The following LRRTM3 variants were observed in gnomAD, a reference collection of about 807,000 sequenced individuals.
LRRTM3 encodes leucine-rich repeat transmembrane neuronal protein 3.
LRRTM3 carries 24 observed loss-of-function variants against 44.7 expected under a neutral mutation model. That is an observed-to-expected ratio of 0.54 (90% CI 0.39 to 0.76). The LOEUF (loss-of-function observed/expected upper bound fraction) is 0.76, where lower values mean the gene tolerates loss of function less well. Among genes scored for constraint, LRRTM3 ranks in the 30% least tolerant of loss-of-function variants. The pLI, the probability that LRRTM3 is intolerant of heterozygous loss-of-function variation, is 0.00. For synonymous variants in LRRTM3, 277 were observed against 278.7 expected (o/e 0.99, Z 0.06); for missense variants, 587 against 702.2 (o/e 0.84, Z 1.85).
chr10:66,971,156 G>T (rs1849699875), intron 2 of LRRTM3, among the ~76,000 whole-genome samples: 1 of 152,136 alleles, frequency 6.6e-6, no homozygotes, highest in Non-Finnish European at 1.5e-5. Context: ...GGCTGGGTGT[G>T]GTGGCTCACG....
intron 2 of LRRTM3, among the ~76,000 whole-genome samples, chr10:67,045,676 G>A (rs1032018643): frequency 1.3e-5 from 2 of 152,152 alleles, no homozygotes; most frequent in Non-Finnish European, 2.9e-5. Flanking sequence ...GTCCTGGCGC[G>A]GGATGGGGCG....
chr10:66,939,243 TTC>T (rs1847876926), intron 2 of LRRTM3, among the ~76,000 whole-genome samples: 1 of 152,212 alleles, frequency 6.6e-6, no homozygotes, highest in Non-Finnish European at 1.5e-5. Flanking sequence ...ATCTTCCCTT[TTC>T]TGAGTCTCTC....
At chr10:67,090,010 T>C (rs1002992025) in intron 2 of LRRTM3, among the ~76,000 whole-genome samples, 1 of 152,094 alleles carries the variant, frequency 6.6e-6, no homozygotes, top group African/African-American at 2.4e-5. Flanking sequence ...ACAGATTAAT[T>C]CAAGTTTCTT....
intron 2 of LRRTM3, among the ~76,000 whole-genome samples, chr10:67,071,389 T>C (rs953300644): frequency 2.0e-5 from 3 of 151,868 alleles, no homozygotes; most frequent in Non-Finnish European, 4.4e-5. Context: ...GATATATTTG[T>C]ATTAGTTACA....
At chr10:66,975,457 A>G (rs1227636561) in intron 2 of LRRTM3, among the ~76,000 whole-genome samples, 1 of 152,178 alleles carries the variant, frequency 6.6e-6, no homozygotes, top group Non-Finnish European at 1.5e-5. Context: ...GTAAGTAAAA[A>G]TAAGTTGGAA....
At chr10:67,034,246 A>G (rs1460587182) in intron 2 of LRRTM3, among the ~76,000 whole-genome samples, 1 of 152,114 alleles carries the variant, frequency 6.6e-6, no homozygotes, top group African/African-American at 2.4e-5. Context: ...ACCACACTGG[A>G]GCTTATTCTG....
At chr10:66,988,766 A>AT (rs1484252966) in intron 2 of LRRTM3, among the ~76,000 whole-genome samples, 1 of 151,940 alleles carries the variant, frequency 6.6e-6, no homozygotes. Flanking sequence ...GACAGGTGCA[A>AT]TTTTTTTCCT....
At chr10:67,006,935 A>T (rs1852028555) in intron 2 of LRRTM3, among the ~76,000 whole-genome samples, 2 of 152,100 alleles carry the variant, frequency 1.3e-5, no homozygotes, top group Admixed American at 1.3e-4. Flanking sequence ...CTGGGATTAC[A>T]GTCATGTGCC....
chr10:66,944,578 G>A (rs1394326935), intron 2 of LRRTM3, among the ~76,000 whole-genome samples: 1 of 151,952 alleles, frequency 6.6e-6, no homozygotes, highest in Non-Finnish European at 1.5e-5. Context: ...TTACCTTAAA[G>A]GTTTTCAATT....
chr10:67,059,684 G>A (rs1471058698), intron 2 of LRRTM3, among the ~76,000 whole-genome samples: 1 of 152,112 alleles, frequency 6.6e-6, no homozygotes, highest in East Asian at 1.9e-4. Flanking sequence ...TGGTTTCCCT[G>A]AACATCCAAA....
At chr10:66,963,074 A>G (rs1849206362) in intron 2 of LRRTM3, among the ~76,000 whole-genome samples, 1 of 152,196 alleles carries the variant, frequency 6.6e-6, no homozygotes, top group Non-Finnish European at 1.5e-5. Flanking sequence ...TCTACTTGCC[A>G]AAACTATATC....
intron 2 of LRRTM3, among the ~76,000 whole-genome samples, chr10:66,974,241 T>C (rs1185380346): frequency 6.6e-6 from 1 of 152,218 alleles, no homozygotes; most frequent in Admixed American, 6.5e-5. Context: ...TTAGGCCTAC[T>C]TCTGATTCAC....
At chr10:66,994,129 T>C (rs1851195906) in intron 2 of LRRTM3, among the ~76,000 whole-genome samples, 1 of 152,156 alleles carries the variant, frequency 6.6e-6, no homozygotes, top group Non-Finnish European at 1.5e-5. Context: ...ATGTAGTAAG[T>C]GAGTTGCCAT....
chr10:67,019,433 G>T (rs1394995499), intron 2 of LRRTM3, among the ~76,000 whole-genome samples: 7 of 152,044 alleles, frequency 4.6e-5, no homozygotes, highest in African/African-American at 2.4e-5. Context: ...GGTCAAGCTG[G>T]TCACAAACTC....
Position 67,098,121 on chromosome 10 carries a change from T to C in LRRTM3, c.*325T>C. The C allele has an allele frequency of 3.2e-6, 1 of 308,422 alleles. No homozygotes were observed. The highest frequency in any genetic ancestry group is 6.2e-6 in the Non-Finnish European group (1 of 161,322). The allele number at this position is 308,422 out of a possible 1,614,324, so 19.1% of individuals were successfully genotyped here. On this transcript the variant is annotated 3_prime_UTR_variant, in exon 3 of 3. Transcript: ENST00000361320. The stretch of plus-strand genomic sequence containing the variant: ...CTAATGTATTTTTCATATTGTAAAG[T>C]TTCAATTGTAGAAACAACTGGTATG...
intron 2 of LRRTM3, among the ~76,000 whole-genome samples, chr10:66,980,029 A>T (rs1850319513): frequency 6.6e-6 from 1 of 152,190 alleles, no homozygotes; most frequent in Admixed American, 6.5e-5. Flanking sequence ...TTGGCACTGG[A>T]GACACTTTTT....
intron 2 of LRRTM3, among the ~76,000 whole-genome samples, chr10:67,067,457 C>T (rs2131836881): frequency 6.6e-6 from 1 of 152,294 alleles, no homozygotes; most frequent in Non-Finnish European, 1.5e-5. Context: ...AACATTTCCA[C>T]AATTCATTTC....
chr10:66,995,409 T>C (rs1851272685), intron 2 of LRRTM3, among the ~76,000 whole-genome samples: 1 of 152,186 alleles, frequency 6.6e-6, no homozygotes, highest in Non-Finnish European at 1.5e-5. Context: ...ACATGGCCCA[T>C]GGTAGCAGTC....
At chr10:67,039,605 T>C (rs1472514008) in intron 2 of LRRTM3, among the ~76,000 whole-genome samples, 1 of 152,140 alleles carries the variant, frequency 6.6e-6, no homozygotes, top group East Asian at 1.9e-4. Flanking sequence ...CATAGAGAAC[T>C]AATATCTAGA....
Sources: gnomAD v4.1 joint callset for allele counts (sites outside exome capture counted in the v4.1 genomes callset) on GRCh38, gnomAD v4.1.1 for gene constraint, MANE v1.5 for transcripts, NCBI Gene and HGNC (gene_info 2026-07-23, HGNC 2026-07-21) for gene names.